USP32: variants seen among roughly 807,000 people sequenced by gnomAD.
USP32 encodes ubiquitin specific peptidase 32.
A neutral mutation model predicts 204.8 loss-of-function variants in USP32; 59 were observed. The ratio of observed to expected loss-of-function variants is 0.29; its 90% CI spans 0.23 to 0.36. The LOEUF is 0.36. Among genes scored for constraint, USP32 ranks in the 10% least tolerant of loss-of-function variants. The probability of loss-of-function intolerance (pLI) is 1.00; values close to 1 mark genes in which losing one functional copy is unlikely to be tolerated. For synonymous variants in USP32, 517 were observed against 678.4 expected, an observed-to-expected ratio of 0.76 and a Z score of 3.70; for missense variants, 1,160 against 1,946.4, an observed-to-expected ratio of 0.60 and a Z score of 7.60.
At chr17:60,299,560 T>C (rs1158130072) in intron 3 of USP32, among the ~76,000 whole-genome samples, 1 of 152,214 alleles carries the variant, frequency 6.6e-6, no homozygotes, top group Admixed American at 6.5e-5. Flanking sequence ...CCCCTCATGA[T>C]CTAATCATCT....
At chr17:60,335,024 C>G (rs1441374943) in intron 2 of USP32, among the ~76,000 whole-genome samples, 1 of 142,496 alleles carries the variant, frequency 7.0e-6, no homozygotes, top group East Asian at 1.9e-4. Context: ...TCTCTATTGC[C>G]CAGGCTGGAG....
chr17:60,326,260 G>T (rs943663233), intron 2 of USP32, among the ~76,000 whole-genome samples: 3 of 151,470 alleles, frequency 2.0e-5, no homozygotes, highest in African/African-American at 7.3e-5. Context: ...CACACCCTCT[G>T]CCCTAGTAAC....
At chr17:60,332,236 G>T (rs1483160747) in intron 2 of USP32, among the ~76,000 whole-genome samples, 2 of 151,776 alleles carry the variant, frequency 1.3e-5, no homozygotes, top group Non-Finnish European at 2.9e-5. Flanking sequence ...CTGGGTGACA[G>T]AGCGAGATGC....
intron 5 of USP32, among the ~76,000 whole-genome samples, chr17:60,281,799 G>A: frequency 6.6e-6 from 1 of 152,104 alleles, no homozygotes; most frequent in East Asian, 1.9e-4. Context: ...TGCAGTTCAT[G>A]GTCCATCTAC....
chr17:60,327,040 G>A (rs1462533105), intron 2 of USP32, among the ~76,000 whole-genome samples: 2 of 152,094 alleles, frequency 1.3e-5, no homozygotes, highest in African/African-American at 2.4e-5. Flanking sequence ...AGATAGGAGG[G>A]AAAAGTTGTA....
chr17:60,393,496 C>T (rs1049485821), upstream of USP32, among the ~76,000 whole-genome samples: 6 of 152,024 alleles, frequency 3.9e-5, no homozygotes, highest in African/African-American at 1.4e-4. Flanking sequence ...ATTTAGTTTG[C>T]GTCTTCAACC....
intron 26 of USP32, among the ~76,000 whole-genome samples, chr17:60,202,247 A>G (rs909013105): frequency 6.6e-6 from 1 of 150,728 alleles, no homozygotes; most frequent in African/African-American, 2.5e-5. Flanking sequence ...TGGGCTCTCT[A>G]TTCTATCCCA....
intron 1 of USP32, among the ~76,000 whole-genome samples, chr17:60,369,572 A>G (rs532385568): frequency 6.6e-6 from 1 of 152,170 alleles, no homozygotes; most frequent in Non-Finnish European, 1.5e-5. Flanking sequence ...GTAAAACTTC[A>G]GAAGTGAAAC....
chr17:60,269,310 C>A (rs2086671709), intron 7 of USP32, 140 bp downstream of exon 7: 2 of 644,398 alleles, frequency 3.1e-6, no homozygotes, highest in Admixed American at 3.3e-5. Context: ...CTCAGTAAAA[C>A]CCTAACATGA....
intron 1 of USP32, among the ~76,000 whole-genome samples, chr17:60,368,288 T>C (rs1424124821): frequency 6.6e-6 from 1 of 152,264 alleles, no homozygotes; most frequent in Admixed American, 6.5e-5. Context: ...CTGTTTATTT[T>C]AATGTAATTT....
At chr17:60,227,852 T>G (rs561188788) in intron 12 of USP32, among the ~76,000 whole-genome samples, 3 of 152,190 alleles carry the variant, frequency 2.0e-5, no homozygotes, top group Non-Finnish European at 2.9e-5. Flanking sequence ...CAAAAAATTT[T>G]TTTAAATTTT....
At chr17:60,328,664 T>C (rs1435603073) in intron 2 of USP32, among the ~76,000 whole-genome samples, 3 of 152,170 alleles carry the variant, frequency 2.0e-5, no homozygotes, top group Non-Finnish European at 2.9e-5. Flanking sequence ...CTGCAGCCCT[T>C]CCAGAAGGCC....
At chr17:60,263,921 T>C (rs2086518318) in intron 9 of USP32, among the ~76,000 whole-genome samples, 1 of 152,168 alleles carries the variant, frequency 6.6e-6, no homozygotes, top group Non-Finnish European at 1.5e-5. Flanking sequence ...AATAACACCA[T>C]TGTGGTGTAG....
intron 1 of USP32, among the ~76,000 whole-genome samples, chr17:60,364,786 A>G (rs932495589): frequency 6.6e-5 from 10 of 152,240 alleles, no homozygotes; most frequent in Non-Finnish European, 1.2e-4. Context: ...AACATAATTT[A>G]TCCATAATTT....
chr17:60,252,450 A>T lies in USP32; in HGVS notation c.1075-8T>A. 6.2e-7 allele frequency: 1 copy of T among 1,602,640 alleles called. No homozygotes were observed. The highest frequency in any genetic ancestry group is 8.5e-7 in the Non-Finnish European group (1 of 1,174,582). On this transcript the variant is annotated splice_polypyrimidine_tract_variant and splice_region_variant and intron_variant, in intron 10 of 33. Coordinates refer to ENST00000300896, the MANE Select transcript of USP32 (RefSeq NM_032582.4). ...CAGAACTATGTGACACACCTAGGGA[A>T]AAAAATGGTAAATCAAAGTTTATTA...
intron 2 of USP32, among the ~76,000 whole-genome samples, chr17:60,338,180 C>T (rs776385788): frequency 6.6e-6 from 1 of 151,878 alleles, no homozygotes; most frequent in Non-Finnish European, 1.5e-5. Context: ...AAAAAATTAG[C>T]TGGGCATGGT....
chr17:60,366,181 C>T (rs893184440), intron 1 of USP32, among the ~76,000 whole-genome samples: 4 of 150,096 alleles, frequency 2.7e-5, no homozygotes, highest in Admixed American at 6.6e-5. Flanking sequence ...TTTTTTGAGA[C>T]GGAGTCTTGC....
At chr17:60,409,395 C>T (rs1029046565) in intron 1 of USP32, among the ~76,000 whole-genome samples, 1 of 152,160 alleles carries the variant, frequency 6.6e-6, no homozygotes, top group African/African-American at 2.4e-5. Flanking sequence ...ACAGTATTGG[C>T]CTCTATGCAC....
At chr17:60,314,932 A>G (rs2087937109) in intron 2 of USP32, among the ~76,000 whole-genome samples, 1 of 152,204 alleles carries the variant, frequency 6.6e-6, no homozygotes, top group Admixed American at 6.5e-5. Context: ...ATTTTACTAT[A>G]CTGAAAGAAG....
Sources: gnomAD v4.1 joint callset for allele counts (sites outside exome capture counted in the v4.1 genomes callset) on GRCh38, gnomAD v4.1.1 for gene constraint, MANE v1.5 for transcripts, NCBI Gene and HGNC (gene_info 2026-07-23, HGNC 2026-07-21) for gene names.